The following CD247 variants were observed in gnomAD, a reference collection of about 807,000 sequenced individuals.
CD247 encodes the protein CD247 molecule.
Under a neutral mutation model 30.0 loss-of-function variants are expected in CD247, and 13 were observed. That is an observed-to-expected ratio of 0.43 (90% CI 0.28 to 0.69). The LOEUF is 0.69. CD247 is among the 30% of genes least tolerant of loss of function. The probability of loss-of-function intolerance (pLI) is 0.16; values close to 1 mark genes in which losing one functional copy is unlikely to be tolerated. For missense variants in CD247, 193 were observed against 212.6 expected, an observed-to-expected ratio of 0.91 and a Z score of 0.57; for synonymous variants, 72 against 80.0, an observed-to-expected ratio of 0.90 and a Z score of 0.53.
chr1:167,451,034 G>A (rs1026142302), intron 1 of CD247, among the ~76,000 whole-genome samples: 5 of 152,120 alleles, frequency 3.3e-5, no homozygotes, highest in Non-Finnish European at 4.4e-5. Flanking sequence ...GGCTTCAGCT[G>A]TGCAGATCTG....
At chr1:167,444,870 T>C (rs1017903675) in intron 1 of CD247, among the ~76,000 whole-genome samples, 5 of 152,160 alleles carry the variant, frequency 3.3e-5, no homozygotes, top group African/African-American at 9.7e-5. Context: ...TTCTCATCTG[T>C]AAAATGGGGA....
chr1:167,470,872 CT>C lies in CD247; in HGVS notation c.59-30106del, dbSNP rs768647657. Among the ~76,000 whole-genome samples, 362 of 134,236 alleles carry C rather than the reference CT, an allele frequency of 2.7e-3. 1 individual carries two copies. Among genetic ancestry groups the C allele is most frequent in the East Asian group, 6.0e-3 (28 of 4,686 alleles). 88.1% of individuals were successfully genotyped at this position (134,236 alleles called of 152,430 possible). A position where few individuals can be genotyped will look rare whatever the true frequency, so the allele number is the denominator to read the frequency against. On this transcript the variant is annotated intron_variant, in intron 1 of 7. Transcript: ENST00000362089. Reference sequence around the variant, plus strand: ...TATTCCACTGATTATTTCTTTCTTTCTTTTTTTTTTTTTTTTTGAGATGGAG... The same window carrying C: ...TATTCCACTGATTATTTCTTTCTTTCTTTTTTTTTTTTTTTTGAGATGGAG...
intron 1 of CD247, among the ~76,000 whole-genome samples, chr1:167,515,323 G>A (rs961836218): frequency 6.6e-6 from 1 of 152,176 alleles, no homozygotes; most frequent in Non-Finnish European, 1.5e-5. Context: ...AATCTAGGTG[G>A]CCACCCGGAC....
intron 1 of CD247, among the ~76,000 whole-genome samples, chr1:167,487,025 G>A (rs1654236929): frequency 6.8e-6 from 1 of 146,688 alleles, no homozygotes; most frequent in African/African-American, 2.5e-5. Context: ...AGTGAGTCGA[G>A]ATCATGCCAC....
At chr1:167,477,983 T>A (rs1653819491) in intron 1 of CD247, among the ~76,000 whole-genome samples, 1 of 152,152 alleles carries the variant, frequency 6.6e-6, no homozygotes, top group African/African-American at 2.4e-5. Flanking sequence ...ACTATTTTGG[T>A]CCCCACCAGG....
intron 1 of CD247, among the ~76,000 whole-genome samples, chr1:167,452,876 T>C (rs1251288107): frequency 6.6e-6 from 1 of 151,538 alleles, no homozygotes; most frequent in Non-Finnish European, 1.5e-5. Flanking sequence ...GCCAGGCACA[T>C]AGAGTGTAAG....
intron 1 of CD247, among the ~76,000 whole-genome samples, chr1:167,442,681 G>A (rs775568132): frequency 3.3e-5 from 5 of 152,150 alleles, no homozygotes; most frequent in Admixed American, 1.3e-4. Flanking sequence ...CCTCCCTGAC[G>A]AACTATGGAA....
chr1:167,468,001 A>G (rs1055577741), intron 1 of CD247, among the ~76,000 whole-genome samples: 9 of 152,232 alleles, frequency 5.9e-5, no homozygotes, highest in African/African-American at 2.2e-4. Context: ...AGTGGCGAAT[A>G]AATTCTAGCT....
At chr1:167,498,391 A>C (rs1449827444) in intron 1 of CD247, among the ~76,000 whole-genome samples, 1 of 152,186 alleles carries the variant, frequency 6.6e-6, no homozygotes, top group Admixed American at 6.5e-5. Flanking sequence ...GCCTCAAGGG[A>C]GCTGAAGATG....
intron 1 of CD247, among the ~76,000 whole-genome samples, chr1:167,455,041 C>T (rs1202943540): frequency 6.6e-6 from 1 of 152,230 alleles, no homozygotes; most frequent in African/African-American, 2.4e-5. Flanking sequence ...CTCCGCCCCT[C>T]GGTGCCCGCG....
intron 4 of CD247, among the ~76,000 whole-genome samples, chr1:167,436,535 T>C (rs1000087524): frequency 2.6e-5 from 4 of 152,190 alleles, no homozygotes; most frequent in Non-Finnish European, 4.4e-5. Context: ...ATAAACGGTG[T>C]TGGAAAACCT....
At chr1:167,491,214 G>C (rs139338530) in intron 1 of CD247, among the ~76,000 whole-genome samples, 1 of 152,146 alleles carries the variant, frequency 6.6e-6, no homozygotes, top group African/African-American at 2.4e-5. Flanking sequence ...CACTGTGGGC[G>C]GAAAGGTAAA....
chr1:167,462,042 T>C (rs1216178539), intron 1 of CD247, among the ~76,000 whole-genome samples: 1 of 152,094 alleles, frequency 6.6e-6, no homozygotes, highest in East Asian at 1.9e-4. Context: ...TCACAGAGTA[T>C]AGGATGCCCA....
intron 1 of CD247, among the ~76,000 whole-genome samples, chr1:167,499,398 G>C (rs938161662): frequency 1.3e-5 from 2 of 152,176 alleles, no homozygotes; most frequent in Non-Finnish European, 2.9e-5. Flanking sequence ...ATACCAGAAA[G>C]AGCAGCTGTT....
chr1:167,433,123 T>C (rs1651359217), intron 6 of CD247, 64 bp from the exon 7 acceptor site: 56 of 1,538,716 alleles, frequency 3.6e-5, no homozygotes, highest in Non-Finnish European at 4.9e-5. Flanking sequence ...GTGGCATTTC[T>C]GCTCAAGGGC....
chr1:167,470,383 C>T (rs1653457342), intron 1 of CD247, among the ~76,000 whole-genome samples: 1 of 151,972 alleles, frequency 6.6e-6, no homozygotes, highest in Non-Finnish European at 1.5e-5. Flanking sequence ...AGCAAACCTG[C>T]CTTTTCCAGG....
intron 1 of CD247, among the ~76,000 whole-genome samples, chr1:167,490,953 T>TAAC (rs771700136): frequency 6.6e-6 from 1 of 151,076 alleles, no homozygotes; most frequent in Non-Finnish European, 1.5e-5. Context: ...TAATAATAAA[T>TAAC]AATAATAATA....
At position 167,494,966 on chromosome 1, in the gene CD247, T is replaced by A. The variant is rs575468554; in HGVS notation, c.58+23442A>T. ...CTGTTCTCTCCCCACCTGGACCTTG[T>A]GTCCGAGGAGCAGTGTTGGACCCTC... On this transcript the variant is annotated intron_variant, in intron 1 of 7. Coordinates refer to ENST00000362089, the MANE Select transcript of CD247 (RefSeq NM_198053.3). This position sits in a 1 kb window ranked among gnomAD's most constrained non-coding sequence, Gnocchi z 7.3. Among the ~76,000 whole-genome samples the A allele has an allele frequency of 4.6e-5, 7 of 152,296 alleles. No individual in the cohort carries two copies. In the East Asian group the frequency reaches 1.4e-3, roughly 29 times the overall value.
intron 1 of CD247, among the ~76,000 whole-genome samples, chr1:167,502,920 T>A (rs1040775313): frequency 1.6e-4 from 25 of 152,200 alleles, no homozygotes; most frequent in Non-Finnish European, 1.6e-4. Flanking sequence ...CACCTTGACT[T>A]TGGACTTTTA....
Sources: allele counts gnomAD v4.1 joint callset (sites outside exome capture counted in the v4.1 genomes callset), GRCh38; gene constraint gnomAD v4.1.1; non-coding constraint Gnocchi (gnomAD v3.1); transcripts MANE v1.5; gene names NCBI Gene and HGNC (gene_info 2026-07-23, HGNC 2026-07-21).